TEX15: variants seen among roughly 807,000 people sequenced by gnomAD.
The protein encoded by TEX15 is testis expressed 15, meiosis and synapsis associated, also known as testis-expressed protein 15.
TEX15 carries 171 observed loss-of-function variants against 237.3 expected under a neutral mutation model. The ratio of observed to expected loss-of-function variants is 0.72; its 90% CI spans 0.64 to 0.82. The LOEUF (loss-of-function observed/expected upper bound fraction) is 0.82. Among genes scored for constraint, TEX15 ranks in the 40% least tolerant of loss-of-function variants. TEX15 has a pLI of 0.00. For missense variants in TEX15, 3,750 were observed against 3,646.5 expected, an observed-to-expected ratio of 1.03 and a Z score of -0.73; for synonymous variants, 1,338 against 1,269.8, an observed-to-expected ratio of 1.05 and a Z score of -1.14.
rs760189371 is a variant in TEX15, at chr8:30,844,484, T to A, written c.5683A>T (p.Ile1895Phe). 1.2e-6 allele frequency: 2 copies of A among 1,613,164 alleles called. No homozygotes were observed. The highest frequency in any genetic ancestry group is 2.2e-5 in the South Asian group (2 of 90,968). The change falls in exon 8 of 11, where the codon ATT (isoleucine) becomes TTT (phenylalanine). Residue 1895 changes from isoleucine (I) to phenylalanine (F), a missense_variant. Transcript: ENST00000643185. ...LNEKIITTNL[I>F]DSHLSTKNTT... ...TTTTTAGTGCTCAGATGGGAATCAA[T>A]CAAGTTAGTTGTAATAATTTTCTCA...
At chr8:30,865,897 A>G (rs975190760) in intron 5 of TEX15, among the ~76,000 whole-genome samples, 2 of 152,168 alleles carry the variant, frequency 1.3e-5, no homozygotes, top group Non-Finnish European at 2.9e-5. Context: ...AAGGATGCTC[A>G]CTTTAACCAT....
chr8:30,909,394 A>ACCCCCCCCCCCCCCCCCCCCCCCCCCCCC (rs35046956), intron 1 of TEX15, among the ~76,000 whole-genome samples: 1 of 118,340 alleles, frequency 8.5e-6, no homozygotes, highest in Non-Finnish European at 1.7e-5. Context: ...TTAAAGACAG[A>ACCCCCCCCCCCCCCCCCCCCCCCCCCCCC]CCCCCCCCCG....
intron 3 of TEX15, among the ~76,000 whole-genome samples, chr8:30,883,366 TTTC>T (rs923135425): frequency 2.2e-5 from 3 of 138,440 alleles, no homozygotes; most frequent in Non-Finnish European, 4.5e-5. Flanking sequence ...TTCTCAGTAT[TTTC>T]TTTTTTTTTT....
chr8:30,888,053 G>A (rs1193308542), intron 2 of TEX15, among the ~76,000 whole-genome samples: 1 of 150,766 alleles, frequency 6.6e-6, no homozygotes, highest in Non-Finnish European at 1.5e-5. Flanking sequence ...TACACATTTG[G>A]TAAAATTCTT....
rs375806605 is a variant in TEX15 at position 30,846,893 on chromosome 8, A to G, written c.3274T>C (p.Ser1092Pro). 3.7e-6 allele frequency: 6 copies of G among 1,613,816 alleles called. No homozygotes were observed. Among genetic ancestry groups the G allele is most frequent in the Non-Finnish European group, 5.1e-6 (6 of 1,179,802 alleles). The change falls in exon 8 of 11, where the codon TCA becomes CCA. Residue 1092 changes from serine to proline, a missense_variant. Coordinates refer to ENST00000643185, the MANE Select transcript of TEX15 (RefSeq NM_001350162.2). ...ATACGAGACTTCAGAGCCTTATATG[A>G]GGTCACAAATTCTTCACAAAGCATG... ...ENMLCEEFVTSYKALKSRISW... is the reference protein window; with the variant it reads ...ENMLCEEFVTPYKALKSRISW...
intron 3 of TEX15, among the ~76,000 whole-genome samples, chr8:30,883,529 C>CAG (rs1236629588): frequency 6.6e-6 from 1 of 152,070 alleles, no homozygotes; most frequent in East Asian, 1.9e-4. Flanking sequence ...CAACAGACCC[C>CAG]AGTGTGTGTT....
At chr8:30,883,369 CT>C (rs56948523) in intron 3 of TEX15, among the ~76,000 whole-genome samples, 3 of 149,762 alleles carry the variant, frequency 2.0e-5, no homozygotes, top group Non-Finnish European at 3.0e-5. Context: ...TCAGTATTTT[CT>C]TTTTTTTTTA....
At chr8:30,904,468 C>T (rs1240776452) in intron 1 of TEX15, among the ~76,000 whole-genome samples, 1 of 148,506 alleles carries the variant, frequency 6.7e-6, no homozygotes, top group African/African-American at 2.5e-5. Flanking sequence ...AAAAAAAGGA[C>T]CTTATTTAAA....
intron 2 of TEX15, among the ~76,000 whole-genome samples, chr8:30,889,968 T>TATAC (rs1808764439): frequency 3.5e-5 from 5 of 143,904 alleles, no homozygotes; most frequent in Admixed American, 1.4e-4. Flanking sequence ...TATATATATA[T>TATAC]GTATAAGTAA....
At chr8:30,902,207 A>AT (rs1809021731) in intron 1 of TEX15, among the ~76,000 whole-genome samples, 1 of 147,632 alleles carries the variant, frequency 6.8e-6, no homozygotes, top group African/African-American at 2.5e-5. Context: ...TATAAGAACT[A>AT]TTTTTTCCTT....
Position 30,847,854 on chromosome 8 carries a change from T to G in TEX15, c.2313A>C (p.Ile771=). The G allele has an allele frequency of 6.2e-7, 1 of 1,613,912 alleles. No homozygotes were observed. Among genetic ancestry groups the G allele is most frequent in the Non-Finnish European group, 8.5e-7 (1 of 1,179,946 alleles). Residue 771 remains isoleucine, a synonymous_variant, in exon 8 of 11, where the codon ATA becomes ATC. Transcript: ENST00000643185. The part of the protein sequence containing the change: ...ITEAFPKPKD[I]PQAKEMFIDT... ...CAATGAACATTTCTTTGGCCTGGGG[T>G]ATGTCTTTTGGTTTCGGGAAAGCTT...
In TEX15 at chr8:30,842,003, C is replaced by T; in HGVS notation, c.8163+1G>A. 6.4e-7 allele frequency: 1 copy of T among 1,569,326 alleles called. No individual in the cohort carries two copies. Among genetic ancestry groups the T allele is most frequent in the Non-Finnish European group, 8.6e-7 (1 of 1,162,350 alleles). On this transcript the variant is annotated splice_donor_variant, in intron 8 of 10. Coordinates refer to ENST00000643185, the MANE Select transcript of TEX15 (RefSeq NM_001350162.2). LOFTEE classifies it high-confidence loss of function. The stretch of plus-strand genomic sequence containing the variant: ...AAAGTTTTGTTTTAAAACATACATA[C>T]CTTTAGCTTTTTACAACTGGAAACA...
chr8:30,909,403 C>T (rs947075672), intron 1 of TEX15, among the ~76,000 whole-genome samples: 2 of 141,456 alleles, frequency 1.4e-5, no homozygotes, highest in East Asian at 2.0e-4. Flanking sequence ...GACCCCCCCC[C>T]GCCCCCACTC....
intron 4 of TEX15, 130 bp downstream of exon 4, chr8:30,874,807 T>C (rs1408828870): frequency 5.7e-6 from 3 of 527,190 alleles, no homozygotes; most frequent in Non-Finnish European, 8.7e-6. Flanking sequence ...TATGAGAATG[T>C]AACAAAAAAT....
At position 30,833,468 on chromosome 8, in the gene TEX15, T is replaced by G. The variant is rs564989206; in HGVS notation, c.9482-145A>C. ...CTTAAGTAGCCATAGGGTCATCAGG[T>G]CCTATGAAAGTTAATTTAAGGCTCT... On this transcript the variant is annotated intron_variant, in intron 10 of 10. Transcript: ENST00000643185. 1.1e-5 allele frequency: 6 copies of G among 544,796 alleles called. No homozygotes were observed. In the South Asian group the frequency reaches 2.0e-4, roughly 18 times the overall value. The allele number at this position is 544,796 out of a possible 1,614,324, so 33.7% of individuals were successfully genotyped here. A position where few individuals can be genotyped will look rare whatever the true frequency, so the allele number is the denominator to read the frequency against.
chr8:30,864,527 A>G (rs1017591383), intron 5 of TEX15, among the ~76,000 whole-genome samples: 19 of 151,886 alleles, frequency 1.3e-4, no homozygotes, highest in African/African-American at 1.9e-4. Context: ...AAAAAGAAAA[A>G]AAAAGAAAAG....
chr8:30,894,079 T>C (rs967152906), intron 2 of TEX15, among the ~76,000 whole-genome samples: 2 of 152,230 alleles, frequency 1.3e-5, no homozygotes, highest in Admixed American at 1.3e-4. Context: ...TAATTATTAC[T>C]ATCTTCATTA....
chr8:30,849,645 A>G (rs1329102514), intron 7 of TEX15, among the ~76,000 whole-genome samples: 1 of 152,154 alleles, frequency 6.6e-6, no homozygotes, highest in Admixed American at 6.5e-5. Context: ...GCTCACGCTT[A>G]TAATTCCATT....
chr8:30,855,059 T>C (rs1563249892), intron 7 of TEX15, among the ~76,000 whole-genome samples: 3 of 152,058 alleles, frequency 2.0e-5, no homozygotes, highest in Admixed American at 2.0e-4. Flanking sequence ...AATTCAAGAA[T>C]ACAGACAAAG....
Sources: allele counts gnomAD v4.1 joint callset (sites outside exome capture counted in the v4.1 genomes callset), GRCh38; gene constraint gnomAD v4.1.1; transcripts MANE v1.5; gene names NCBI Gene and HGNC (gene_info 2026-07-23, HGNC 2026-07-21).